Variants in EYS observed in about 807,000 individuals in gnomAD.
EYS encodes the protein EGF-like photoreceptor maintenance factor, also known as protein eyes shut homolog.
A neutral mutation model predicts 282.1 loss-of-function variants in EYS; 250 were observed. That is an observed-to-expected ratio of 0.89 (90% CI 0.80 to 0.98). EYS has a LOEUF of 0.98. Among genes scored for constraint, EYS ranks in the 50% least tolerant of loss-of-function variants. The pLI is 0.00. For missense variants in EYS, 4,016 were observed against 3,709.0 expected (o/e 1.08, Z -2.15); for synonymous variants, 1,355 against 1,282.9 (o/e 1.06, Z -1.20).
chr6:64,318,016 C>A (rs1265866143), intron 29 of EYS, among the ~76,000 whole-genome samples: 1 of 151,112 alleles, frequency 6.6e-6, no homozygotes, highest in Non-Finnish European at 1.5e-5. Context: ...TATCACACAC[C>A]AGGGCTTGTC....
chr6:64,715,386 G>T (rs1771354505), intron 22 of EYS, among the ~76,000 whole-genome samples: 1 of 152,192 alleles, frequency 6.6e-6, no homozygotes, highest in Non-Finnish European at 1.5e-5. Context: ...ATGGAAGCAG[G>T]CTTCTCAGTG....
intron 2 of EYS, among the ~76,000 whole-genome samples, chr6:65,627,594 T>G (rs1766756311): frequency 6.6e-6 from 1 of 152,128 alleles, no homozygotes; most frequent in South Asian, 2.1e-4. Flanking sequence ...CCGGGTCAGC[T>G]GGAGTTCCGG....
intron 12 of EYS, among the ~76,000 whole-genome samples, chr6:65,085,359 T>C (rs1332163821): frequency 1.3e-5 from 2 of 152,174 alleles, no homozygotes; most frequent in Non-Finnish European, 2.9e-5. Context: ...ATTTTCTGTT[T>C]GGTTTTCCCT....
chr6:64,180,616 C>A (rs1764761420), intron 31 of EYS, among the ~76,000 whole-genome samples: 1 of 152,002 alleles, frequency 6.6e-6, no homozygotes, highest in Admixed American at 6.6e-5. Context: ...TCTGTTGTTG[C>A]CATCTTTATG....
Position 64,997,635 on chromosome 6 carries a change from C to A in EYS, c.2206G>T (p.Asp736Tyr). The A allele has an allele frequency of 6.4e-7, 1 of 1,551,156 alleles. No homozygotes were observed. Among genetic ancestry groups the A allele is most frequent in the Non-Finnish European group, 8.7e-7 (1 of 1,146,526 alleles). Residue 736 changes from aspartate to tyrosine, a missense_variant, in exon 14 of 43, where the codon GAC becomes TAC. Asp to Tyr is a radical substitution (Grantham distance 160). Coordinates refer to ENST00000503581, the MANE Select transcript of EYS (RefSeq NM_001142800.2). The stretch of plus-strand genomic sequence containing the variant: ...TGCTCACAGGCATTCAGGATGCAGT[C>A]ATCAATGTCCTGTTCACATCTTATC... ...VGIRCEQDIDDCILNACEHNS... is the reference protein window; with the variant it reads ...VGIRCEQDIDYCILNACEHNS...
rs181952837 is a variant in EYS at position 63,804,948 on chromosome 6, A to G, written c.7411+1242T>C. On this transcript the variant is annotated intron_variant, in intron 37 of 42. Transcript: ENST00000503581. ...GGTAGAATGAATAGTACTTTACATG[A>G]TAGAGTACCCCATCCTAGCAGACAT... Among the ~76,000 whole-genome samples the G allele has an allele frequency of 2.6e-5, 4 of 152,294 alleles. No homozygotes were observed. In the East Asian group the frequency reaches 7.7e-4, roughly 29 times the overall value.
intron 7 of EYS, among the ~76,000 whole-genome samples, chr6:65,402,086 C>G (rs1443370195): frequency 6.6e-6 from 1 of 151,638 alleles, no homozygotes; most frequent in Non-Finnish European, 1.5e-5. Context: ...TTGTGAAACA[C>G]AGGAAGAAAT....
rs549322155 is a variant in EYS at position 65,000,364 on chromosome 6, T to C, written c.2138-2661A>G. ...AAAATAGGCCTTCTATGAATCTGGA[T>C]GTATTATTCATTTTATGCTTAAATG... On this transcript the variant is annotated intron_variant, in intron 13 of 42. Transcript: ENST00000503581. 7.9e-5 allele frequency among the ~76,000 whole-genome samples: 12 copies of C among 152,360 alleles called. No individual in the cohort carries two copies. In the East Asian group the frequency reaches 2.1e-3, roughly 27 times the overall value.
At chr6:64,967,559 C>T (rs1770141793) in intron 14 of EYS, among the ~76,000 whole-genome samples, 1 of 152,100 alleles carries the variant, frequency 6.6e-6, no homozygotes, top group African/African-American at 2.4e-5. Context: ...CTCAGGTGAT[C>T]CACCTGCCTC....
chr6:63,723,157 C>T (rs1439815058), intron 42 of EYS, among the ~76,000 whole-genome samples: 2 of 152,102 alleles, frequency 1.3e-5, no homozygotes, highest in Non-Finnish European at 2.9e-5. Flanking sequence ...AAAGCAAAAA[C>T]TTTTTTCCTA....
At chr6:65,421,187 G>T (rs1767442802) in intron 5 of EYS, among the ~76,000 whole-genome samples, 2 of 149,958 alleles carry the variant, frequency 1.3e-5, no homozygotes, top group African/African-American at 4.9e-5. Context: ...ATACTAGGCT[G>T]TTTTTTTTTC....
intron 36 of EYS, among the ~76,000 whole-genome samples, chr6:63,845,191 T>C (rs1312780862): frequency 3.3e-5 from 5 of 152,196 alleles, no homozygotes; most frequent in Non-Finnish European, 5.9e-5. Flanking sequence ...CTAAAGGTAC[T>C]GAAGATGGGG....
chr6:65,675,023 ATG>A (rs1443881418), intron 1 of EYS, among the ~76,000 whole-genome samples: 1 of 152,040 alleles, frequency 6.6e-6, no homozygotes, highest in Non-Finnish European at 1.5e-5. Flanking sequence ...AATTGAAATT[ATG>A]TGTTATCAGC....
chr6:64,702,624 G>A (rs1770831528), intron 22 of EYS, among the ~76,000 whole-genome samples: 1 of 151,964 alleles, frequency 6.6e-6, no homozygotes, highest in South Asian at 2.1e-4. Flanking sequence ...TGCTTTCAAA[G>A]TCCTTTCTGT....
intron 29 of EYS, among the ~76,000 whole-genome samples, chr6:64,366,464 A>G (rs1304686124): frequency 6.6e-6 from 1 of 152,066 alleles, no homozygotes; most frequent in East Asian, 1.9e-4. Flanking sequence ...AATTTTATCT[A>G]TTGCTTTAAC....
At chr6:65,045,517 A>C (rs1773075415) in intron 13 of EYS, among the ~76,000 whole-genome samples, 1 of 151,856 alleles carries the variant, frequency 6.6e-6, no homozygotes, top group South Asian at 2.1e-4. Flanking sequence ...GTGTATAAGA[A>C]ATTCGAGTCC....
intron 5 of EYS, among the ~76,000 whole-genome samples, chr6:65,446,984 A>T (rs12196989): frequency 0.18 from 28,006 of 151,510 alleles, 3,222 homozygotes; most frequent in Middle Eastern, 0.29. Context: ...CTTCTCACAT[A>T]ACAGACATCG....
chr6:64,928,806 G>A (rs183848380), intron 15 of EYS, among the ~76,000 whole-genome samples: 116 of 151,968 alleles, frequency 7.6e-4, no homozygotes, highest in African/African-American at 2.7e-3. Flanking sequence ...GAAATAATGA[G>A]ATAACCTAAT....
intron 35 of EYS, among the ~76,000 whole-genome samples, chr6:63,890,277 T>G (rs1378190653): frequency 6.6e-6 from 1 of 152,114 alleles, no homozygotes; most frequent in Non-Finnish European, 1.5e-5. Context: ...CTCTCCACCC[T>G]AAATCAACAC....
Sources: gnomAD v4.1 joint callset for allele counts (sites outside exome capture counted in the v4.1 genomes callset) on GRCh38, gnomAD v4.1.1 for gene constraint, MANE v1.5 for transcripts, NCBI Gene and HGNC (gene_info 2026-07-23, HGNC 2026-07-21) for gene names.